Variants in STARD9 observed in about 807,000 individuals in gnomAD.
The protein encoded by STARD9 is stAR-related lipid transfer protein 9.
Under a neutral mutation model 399.8 loss-of-function variants are expected in STARD9, and 346 were observed. The ratio of observed to expected loss-of-function variants is 0.87; its 90% CI spans 0.79 to 0.95. STARD9 has a LOEUF of 0.95. Among genes scored for constraint, STARD9 ranks in the 40% least tolerant of loss-of-function variants. STARD9 has a pLI of 0.00. For missense variants in STARD9, 5,832 were observed against 5,667.5 expected, an observed-to-expected ratio of 1.03 and a Z score of -0.93; for synonymous variants, 2,203 against 2,143.5, an observed-to-expected ratio of 1.03 and a Z score of -0.77.
intron 15 of STARD9, among the ~76,000 whole-genome samples, chr15:42,667,908 A>T (rs1173611985): frequency 7.9e-5 from 12 of 152,228 alleles, no homozygotes; most frequent in Non-Finnish European, 4.4e-5. Context: ...TCAAGACTAA[A>T]TCACACGTCT....
Position 42,687,364 on chromosome 15 carries a change from A to G in STARD9, c.5786A>G (p.Gln1929Arg). The G allele has an allele frequency of 1.3e-6, 2 of 1,536,802 alleles. No homozygotes were observed. The highest frequency in any genetic ancestry group is 1.2e-5 in the South Asian group (1 of 84,068). ...CTGGATCAGAATACGGTTCTGAGGC[A>G]GACCATCAATGTAAGCCTTGAGAAA... The part of the protein sequence containing the change: ...EELDQNTVLR[Q>R]TINVSLEKDM... Residue 1929 changes from glutamine (Q) to arginine (R), a missense_variant, in exon 23 of 33, where the codon CAG (glutamine) becomes CGG (arginine). Around this residue, in one of 2 missense-constraint regions of STARD9, gnomAD observed 5,828 missense variants for 5,651.1 expected, o/e 1.03. Transcript: ENST00000290607.
chr15:42,575,612 G>C lies in STARD9; in HGVS notation c.-104G>C. The C allele has an allele frequency of 7.7e-7, 1 of 1,293,588 alleles. No individual in the cohort carries two copies. The allele number at this position is 1,293,588 out of a possible 1,614,324, so 80.1% of individuals were successfully genotyped here. On this transcript the variant is annotated 5_prime_UTR_variant, in exon 1 of 33. Transcript: ENST00000290607. ...TCCGCGCGGCGGCGTCCCCAGAGGC[G>C]CGTGGGGCGGGCGGGGCTGGGTTGG...
intron 15 of STARD9, among the ~76,000 whole-genome samples, chr15:42,667,723 C>A (rs192352355): frequency 6.6e-6 from 1 of 152,118 alleles, no homozygotes; most frequent in East Asian, 1.9e-4. Flanking sequence ...AGGTGATCCG[C>A]TTACCTCAGC....
intron 15 of STARD9, 130 bp from the exon 16 acceptor site, chr15:42,669,028 C>A: frequency 1.4e-6 from 1 of 713,314 alleles, no homozygotes; most frequent in Non-Finnish European, 2.1e-6. Flanking sequence ...TTCTGTGGGG[C>A]TTTGAATAGT....
chr15:42,667,142 G>A (rs560910904), intron 15 of STARD9, among the ~76,000 whole-genome samples: 3 of 151,564 alleles, frequency 2.0e-5, no homozygotes, highest in South Asian at 4.2e-4. Context: ...GGAAGAAATG[G>A]TGGGCAGTTT....
chr15:42,695,965 T>G, intron 26 of STARD9, 85 bp downstream of exon 26: 1 of 1,416,026 alleles, frequency 7.1e-7, no homozygotes, highest in Non-Finnish European at 9.3e-7. Context: ...TCCTGGAGTT[T>G]GGGCAAGACG....
intron 10 of STARD9, among the ~76,000 whole-genome samples, chr15:42,662,204 A>G (rs1019382219): frequency 1.3e-5 from 2 of 152,230 alleles, no homozygotes; most frequent in Non-Finnish European, 2.9e-5. Flanking sequence ...AGCATGAATT[A>G]TAGTTACATA....
In STARD9 at chr15:42,684,878, A is replaced by G. The variant is rs764552778; in HGVS notation, c.3300A>G (p.Leu1100=). ...ATTCAAGAGAAAAAGACAATGATTTATCTGACACAGATAGCAACTACTCAT... is the reference window on the plus strand; with the variant it reads ...ATTCAAGAGAAAAAGACAATGATTTGTCTGACACAGATAGCAACTACTCAT... ...MDHSREKDND[L]SDTDSNYSLD... is the part of the protein sequence containing the mutation. The change falls in exon 23 of 33, where the codon TTA becomes TTG. Residue 1100 remains leucine (L), a synonymous_variant. Coordinates refer to ENST00000290607, the MANE Select transcript of STARD9 (RefSeq NM_020759.3). The G allele has an allele frequency of 5.2e-6, 8 of 1,537,026 alleles. No individual in the cohort carries two copies. The highest frequency in any genetic ancestry group is 4.1e-5 in the African/African-American group (3 of 73,056).
rs2060577544 is a variant in STARD9, at chr15:42,687,088, G to A, written c.5510G>A (p.Gly1837Glu). The A allele has an allele frequency of 1.3e-6, 2 of 1,537,094 alleles. No homozygotes were observed. Reference protein sequence around the residue: ...EVIRESGKCPGNITEESHDSV... With the variant: ...EVIRESGKCPENITEESHDSV... Reference sequence around the variant, plus strand: ...ATCAGAGAATCAGGTAAATGCCCTGGAAATATTACAGAAGAAAGCCATGAT... The same window carrying A: ...ATCAGAGAATCAGGTAAATGCCCTGAAAATATTACAGAAGAAAGCCATGAT... The change falls in exon 23 of 33, where the codon GGA (glycine) becomes GAA (glutamate). Residue 1837 changes from glycine to glutamate, a missense_variant. Around this residue, in one of 2 missense-constraint regions of STARD9, gnomAD observed 5,828 missense variants for 5,651.1 expected, o/e 1.03. Transcript: ENST00000290607.
At chr15:42,592,332 G>T (rs1595593892) in intron 3 of STARD9, among the ~76,000 whole-genome samples, 1 of 152,142 alleles carries the variant, frequency 6.6e-6, no homozygotes, top group South Asian at 2.1e-4. Flanking sequence ...ACTGGAGAAG[G>T]GGAGAGAAAA....
intron 26 of STARD9, among the ~76,000 whole-genome samples, chr15:42,708,912 T>G (rs1186340570): frequency 1.3e-5 from 2 of 152,180 alleles, no homozygotes; most frequent in Non-Finnish European, 2.9e-5. Flanking sequence ...TACAGGATGC[T>G]AGTTAAATTC....
chr15:42,686,888 G>T lies in STARD9; in HGVS notation c.5310G>T (p.Arg1770Ser), dbSNP rs191628983. ...AGATTCCAGCTTGCAGAGAAGTAAG[G>T]GTACCCTCCCCACCCCCCAGGGAAG... ...ALEIPACREV[R>S]VPSPPPREAW... is the part of the protein sequence containing the mutation. Residue 1770 changes from arginine to serine, a missense_variant, in exon 23 of 33, where the codon AGG becomes AGT. Physicochemically the swap from Arg to Ser is moderately radical, Grantham distance 110. Coordinates refer to ENST00000290607, the MANE Select transcript of STARD9 (RefSeq NM_020759.3). 5 of 1,536,862 alleles carry T rather than the reference G, an allele frequency of 3.3e-6. No homozygotes were observed. The highest frequency in any genetic ancestry group is 1.7e-4 in the Middle Eastern group (1 of 5,990).
chr15:42,592,317 G>A (rs2058414353), intron 3 of STARD9, among the ~76,000 whole-genome samples: 1 of 152,162 alleles, frequency 6.6e-6, no homozygotes, highest in Non-Finnish European at 1.5e-5. Flanking sequence ...AGGAAGCGAT[G>A]GAAAACTGGA....
intron 6 of STARD9, 159 bp downstream of exon 6, chr15:42,638,246 G>T (rs1595685584): frequency 1.5e-6 from 1 of 681,698 alleles, no homozygotes; most frequent in East Asian, 2.7e-5. Flanking sequence ...AAGATACTTA[G>T]GCCCTTGGTT....
chr15:42,680,632 CT>C (rs1302099925), intron 20 of STARD9, among the ~76,000 whole-genome samples: 1 of 152,046 alleles, frequency 6.6e-6, no homozygotes, highest in Non-Finnish European at 1.5e-5. Context: ...TTTTTGTAAG[CT>C]TTTTATTATG....
At chr15:42,589,952 CTTTTTTTTTT>C (rs961377203) in intron 3 of STARD9, among the ~76,000 whole-genome samples, 3 of 91,954 alleles carry the variant, frequency 3.3e-5, no homozygotes, top group South Asian at 3.7e-4. Flanking sequence ...AACCTTGATT[CTTTTTTTTTT>C]TTTTTTTTTT....
chr15:42,673,917 C>T (rs756762256), intron 16 of STARD9: 32 of 456,260 alleles, frequency 7.0e-5, no homozygotes, highest in Non-Finnish European at 1.4e-4. Flanking sequence ...TGCTTTTACC[C>T]TTCTTAGAAT....
chr15:42,677,652 C>T lies in STARD9; in HGVS notation c.1874+1677C>T, dbSNP rs564623528. Among the ~76,000 whole-genome samples, 223 of 152,296 alleles carry T rather than the reference C, an allele frequency of 1.5e-3. 4 individuals carry two copies. In the South Asian group the frequency reaches 0.045, roughly 30 times the overall value. ...AGAGATGCATTGCAGCAGACAAAAC[C>T]GATTCACGTCCTGGCTGTACTGCAG... On this transcript the variant is annotated intron_variant, in intron 20 of 32. Coordinates refer to ENST00000290607, the MANE Select transcript of STARD9 (RefSeq NM_020759.3).
At position 42,689,741 on chromosome 15, in the gene STARD9, C is replaced by T; in HGVS notation, c.8163C>T (p.Asp2721=). 1.3e-6 allele frequency: 2 copies of T among 1,537,856 alleles called. No individual in the cohort carries two copies. Among genetic ancestry groups the T allele is most frequent in the Non-Finnish European group, 1.7e-6 (2 of 1,147,044 alleles). The part of the protein sequence containing the change: ...TPSSADPLAP[D]SPRSSAPVEE... ...CCTCAGCTGATCCTTTGGCCCCAGACAGTCCTCGTTCTTCAGCACCTGTGG... is the reference window on the plus strand; with the variant it reads ...CCTCAGCTGATCCTTTGGCCCCAGATAGTCCTCGTTCTTCAGCACCTGTGG... The change falls in exon 23 of 33, where the codon GAC becomes GAT. Residue 2721 remains aspartate, a synonymous_variant. Transcript: ENST00000290607.
Sources: allele counts gnomAD v4.1 joint callset (sites outside exome capture counted in the v4.1 genomes callset), GRCh38; gene constraint gnomAD v4.1.1; regional missense constraint gnomAD v4.1.1; transcripts MANE v1.5; gene names NCBI Gene and HGNC (gene_info 2026-07-23, HGNC 2026-07-21).